The following ZNRF3 variants were observed in gnomAD, a reference collection of about 807,000 sequenced individuals.
The protein encoded by ZNRF3 is zinc and ring finger 3, also known as E3 ubiquitin-protein ligase ZNRF3.
A neutral mutation model predicts 72.5 loss-of-function variants in ZNRF3; 23 were observed. The observed-to-expected ratio is 0.32, with a 90% CI of 0.23 to 0.45. ZNRF3 has a LOEUF of 0.45. Ranked by LOEUF, ZNRF3 falls within the 20% of genes least tolerant of loss-of-function variation. The probability of loss-of-function intolerance (pLI) is 1.00; values close to 1 mark genes in which losing one functional copy is unlikely to be tolerated. For synonymous variants in ZNRF3, 610 were observed against 545.3 expected, an observed-to-expected ratio of 1.12 and a Z score of -1.65; for missense variants, 1,169 against 1,272.1, an observed-to-expected ratio of 0.92 and a Z score of 1.23.
At chr22:29,008,855 C>T (rs1211404867) in intron 2 of ZNRF3, among the ~76,000 whole-genome samples, 2 of 152,216 alleles carry the variant, frequency 1.3e-5, no homozygotes, top group Non-Finnish European at 2.9e-5. Context: ...CTGTGATAAT[C>T]TAGGTAGCCA....
chr22:29,015,248 T>C (rs115848543), intron 2 of ZNRF3, among the ~76,000 whole-genome samples: 1,682 of 152,370 alleles, frequency 0.011, 39 homozygotes, highest in African/African-American at 0.039. Flanking sequence ...AGGATGTATA[T>C]ATAAAACCTT....
intron 1 of ZNRF3, among the ~76,000 whole-genome samples, chr22:28,945,744 G>T (rs1283189343): frequency 6.6e-6 from 1 of 151,936 alleles, no homozygotes; most frequent in Non-Finnish European, 1.5e-5. Context: ...TGGCCAGGAT[G>T]GTCTCGATCT....
At chr22:28,992,352 C>A (rs2035971807) in intron 2 of ZNRF3, among the ~76,000 whole-genome samples, 1 of 152,082 alleles carries the variant, frequency 6.6e-6, no homozygotes, top group Non-Finnish European at 1.5e-5. Context: ...TGTCACAGAA[C>A]CCATGACAGG....
At chr22:29,042,456 G>A (rs2036981424) in intron 2 of ZNRF3, 39 bp from the exon 3 acceptor site, 1 of 1,598,840 alleles carries the variant, frequency 6.3e-7, no homozygotes, top group Non-Finnish European at 8.6e-7. Context: ...AAGGTAAGAG[G>A]ACCAGAGGGC....
chr22:29,023,023 C>G (rs1008499179), intron 2 of ZNRF3, among the ~76,000 whole-genome samples: 1 of 152,174 alleles, frequency 6.6e-6, no homozygotes, highest in African/African-American at 2.4e-5. Context: ...CCTCCCACCT[C>G]CAACAAATTG....
At chr22:28,945,005 A>G (rs900881638) in intron 1 of ZNRF3, among the ~76,000 whole-genome samples, 9 of 151,810 alleles carry the variant, frequency 5.9e-5, no homozygotes, top group Admixed American at 4.6e-4. Flanking sequence ...TTTTTCTTCT[A>G]GGAGTTTATC....
chr22:28,927,530 A>C (rs376144425), intron 1 of ZNRF3, among the ~76,000 whole-genome samples: 1 of 152,200 alleles, frequency 6.6e-6, no homozygotes, highest in African/African-American at 2.4e-5. Flanking sequence ...CTTTATATGA[A>C]CTATTTTCTT....
chr22:28,886,702 T>C (rs1284253977), intron 1 of ZNRF3, among the ~76,000 whole-genome samples: 1 of 152,180 alleles, frequency 6.6e-6, no homozygotes, highest in Admixed American at 6.6e-5. Flanking sequence ...CTGACGCCTG[T>C]AGTCTCAGCA....
intron 1 of ZNRF3, among the ~76,000 whole-genome samples, chr22:28,908,362 A>G (rs558600554): frequency 6.6e-5 from 10 of 152,200 alleles, no homozygotes; most frequent in Non-Finnish European, 1.0e-4. Flanking sequence ...TGTATGTTGC[A>G]TGCCAATCAT....
intron 2 of ZNRF3, among the ~76,000 whole-genome samples, chr22:29,015,825 C>G (rs2036420766): frequency 6.6e-6 from 1 of 151,822 alleles, no homozygotes; most frequent in Non-Finnish European, 1.5e-5. Flanking sequence ...CGAGAGCAGC[C>G]TGACCAACAT....
At chr22:29,022,018 A>T (rs2123861730) in intron 2 of ZNRF3, among the ~76,000 whole-genome samples, 1 of 152,228 alleles carries the variant, frequency 6.6e-6, no homozygotes, top group East Asian at 1.9e-4. Context: ...CTTCCCTGCC[A>T]AACACCAGAC....
chr22:29,034,056 A>T (rs566961655), intron 2 of ZNRF3, among the ~76,000 whole-genome samples: 36 of 152,146 alleles, frequency 2.4e-4, no homozygotes, highest in African/African-American at 3.4e-4. Context: ...CACACTACTT[A>T]TATGTAAGTC....
intron 2 of ZNRF3, chr22:29,018,269 C>A: frequency 7.9e-6 from 2 of 252,266 alleles, no homozygotes; most frequent in Non-Finnish European, 1.6e-5. Context: ...AAAGGGAGAG[C>A]CCACTTGAAA....
chr22:28,884,297 G>A (rs1342504223), intron 1 of ZNRF3, among the ~76,000 whole-genome samples: 1 of 152,124 alleles, frequency 6.6e-6, no homozygotes, highest in Admixed American at 6.5e-5. Flanking sequence ...GAACCCCGGG[G>A]CGGGAGGGGC....
intron 2 of ZNRF3, among the ~76,000 whole-genome samples, chr22:28,998,110 C>A (rs1352001835): frequency 6.6e-6 from 1 of 151,258 alleles, no homozygotes; most frequent in Non-Finnish European, 1.5e-5. Context: ...GACAGCCTGG[C>A]CAACATGGTG....
At chr22:29,019,849 C>G (rs1317637127) in intron 2 of ZNRF3, among the ~76,000 whole-genome samples, 3 of 152,126 alleles carry the variant, frequency 2.0e-5, no homozygotes, top group African/African-American at 7.2e-5. Context: ...TGTGATAGAA[C>G]CAGAAATAGG....
chr22:29,003,921 T>C (rs369345695), intron 2 of ZNRF3, among the ~76,000 whole-genome samples: 3 of 152,390 alleles, frequency 2.0e-5, no homozygotes, highest in East Asian at 3.9e-4. Flanking sequence ...TAGGTTGGGC[T>C]TTCTTTTATG....
intron 2 of ZNRF3, chr22:29,031,659 C>T (rs1261748922): frequency 2.4e-5 from 24 of 983,694 alleles, no homozygotes; most frequent in Admixed American, 6.1e-5. Context: ...ACTTAGTGGC[C>T]TCCAGAGGGA....
intron 1 of ZNRF3, among the ~76,000 whole-genome samples, chr22:28,912,757 C>T (rs1271406679): frequency 7.3e-5 from 11 of 150,902 alleles, no homozygotes; most frequent in African/African-American, 9.7e-5. Context: ...CTCCGCCTCC[C>T]GGGTTCAAGT....
Sources: allele counts gnomAD v4.1 joint callset (sites outside exome capture counted in the v4.1 genomes callset), GRCh38; gene constraint gnomAD v4.1.1; transcripts MANE v1.5; gene names NCBI Gene and HGNC (gene_info 2026-07-23, HGNC 2026-07-21).